ITGA8: variants seen among roughly 807,000 people sequenced by gnomAD.
The protein encoded by ITGA8 is integrin alpha-8.
In ITGA8, 91 loss-of-function variants were observed where a neutral mutation model predicts 142.3. The ratio of observed to expected loss-of-function variants is 0.64; its 90% CI spans 0.54 to 0.76. The LOEUF is 0.76. Among genes scored for constraint, ITGA8 ranks in the 30% least tolerant of loss-of-function variants. ITGA8 has a pLI of 0.00. For synonymous variants in ITGA8, 505 were observed against 485.2 expected (o/e 1.04, Z -0.54); for missense variants, 1,406 against 1,327.7 (o/e 1.06, Z -0.92).
intron 2 of ITGA8, among the ~76,000 whole-genome samples, chr10:15,702,825 A>G (rs1009874116): frequency 1.3e-5 from 2 of 152,148 alleles, no homozygotes; most frequent in Non-Finnish European, 2.9e-5. Flanking sequence ...ATTCTTTGAG[A>G]TTATTGTTTC....
At chr10:15,633,919 G>C (rs1039242361) in intron 13 of ITGA8, among the ~76,000 whole-genome samples, 2 of 152,116 alleles carry the variant, frequency 1.3e-5, no homozygotes, top group African/African-American at 2.4e-5. Flanking sequence ...TATGGCCTTC[G>C]GCAGTTTTCT....
chr10:15,581,093 A>G (rs1834399031), intron 23 of ITGA8, among the ~76,000 whole-genome samples: 1 of 152,224 alleles, frequency 6.6e-6, no homozygotes, highest in African/African-American at 2.4e-5. Flanking sequence ...TTGAATCACA[A>G]TGGATATCCT....
At chr10:15,579,177 A>T (rs1238722406) in intron 23 of ITGA8, among the ~76,000 whole-genome samples, 1 of 152,120 alleles carries the variant, frequency 6.6e-6, no homozygotes, top group African/African-American at 2.4e-5. Context: ...ATTTGCAGGA[A>T]AGAGTTTTAC....
intron 2 of ITGA8, among the ~76,000 whole-genome samples, chr10:15,696,640 C>T (rs149221508): frequency 4.6e-5 from 7 of 152,170 alleles, no homozygotes; most frequent in African/African-American, 1.4e-4. Flanking sequence ...CCATTTGGCA[C>T]CACATATCCT....
rs555569430 is a variant in ITGA8 at position 15,672,605 on chromosome 10, C to G, written c.802+19G>C. The stretch of plus-strand genomic sequence containing the variant: ...TTGTCTTTTGAAAAACCACAAATGT[C>G]TTGGGCAATGGGTCTTACCAAGGTA... On this transcript the variant is annotated intron_variant, in intron 7 of 29. Transcript: ENST00000378076. 1.2e-6 allele frequency: 2 copies of G among 1,601,688 alleles called. No individual in the cohort carries two copies. The highest frequency in any genetic ancestry group is 2.3e-5 in the South Asian group (2 of 88,450).
intron 13 of ITGA8, among the ~76,000 whole-genome samples, chr10:15,621,823 T>C (rs868564510): frequency 6.6e-6 from 1 of 151,968 alleles, no homozygotes; most frequent in African/African-American, 2.4e-5. Context: ...GCTATGATGG[T>C]GCCACTGCAC....
chr10:15,689,874 C>G (rs1564410257), intron 2 of ITGA8, among the ~76,000 whole-genome samples: 1 of 152,120 alleles, frequency 6.6e-6, no homozygotes, highest in Non-Finnish European at 1.5e-5. Context: ...GAGTGTGGGC[C>G]CAGCAGAAAA....
Position 15,718,674 on chromosome 10 carries a change from G to A in ITGA8, c.343+92C>T. On this transcript the variant is annotated intron_variant, in intron 2 of 29. Coordinates refer to ENST00000378076, the MANE Select transcript of ITGA8 (RefSeq NM_003638.3). ...CGGACATATCAGACAAGCTAAACGA[G>A]CAGCACACCAAGACAGCGGGAAGTC... 4.7e-6 allele frequency: 7 copies of A among 1,497,928 alleles called. No individual in the cohort carries two copies. In the South Asian group the frequency reaches 7.2e-5, roughly 15 times the overall value. 92.8% of individuals were successfully genotyped at this position (1,497,928 alleles called of 1,614,324 possible). A position where few individuals can be genotyped will look rare whatever the true frequency, so the allele number is the denominator to read the frequency against.
intron 23 of ITGA8, among the ~76,000 whole-genome samples, chr10:15,585,400 G>GT (rs770021203): frequency 6.6e-6 from 1 of 152,196 alleles, no homozygotes; most frequent in African/African-American, 2.4e-5. Context: ...AGGGAACAGT[G>GT]TATGTTAGAC....
chr10:15,584,301 GA>G (rs1259600577), intron 23 of ITGA8, among the ~76,000 whole-genome samples: 2 of 106,376 alleles, frequency 1.9e-5, no homozygotes, highest in Non-Finnish European at 3.7e-5. Context: ...TCAAGAAAAA[GA>G]AAAGAAAAGA....
intron 16 of ITGA8, 82 bp from the exon 17 acceptor site, chr10:15,607,913 G>T: frequency 1.6e-6 from 2 of 1,234,040 alleles, no homozygotes; most frequent in African/African-American, 1.5e-5. Flanking sequence ...ATTTCAAGTT[G>T]CTTATTCAGG....
Position 15,718,808 on chromosome 10 carries a change from C to G in ITGA8, c.301G>C (p.Glu101Gln). ...ATCTGCCTGCACTGCGCAGACCCCTCCGCGGGCCAAGGACAGTAATAGACG... is the reference window on the plus strand; with the variant it reads ...ATCTGCCTGCACTGCGCAGACCCCTGCGCGGGCCAAGGACAGTAATAGACG... Reference protein sequence around the residue: ...GAVYYCPWPAEGSAQCRQIPF... With the variant: ...GAVYYCPWPAQGSAQCRQIPF... Residue 101 changes from glutamate to glutamine, a missense_variant, in exon 2 of 30, where the codon GAG (glutamate) becomes CAG (glutamine). By Grantham distance (29) the Glu-to-Gln change is conservative (BLOSUM62 2). Transcript: ENST00000378076. The G allele has an allele frequency of 1.2e-6, 2 of 1,614,194 alleles. No individual in the cohort carries two copies. The highest frequency in any genetic ancestry group is 2.2e-5 in the South Asian group (2 of 91,082).
chr10:15,563,005 C>A (rs959204117), intron 25 of ITGA8, among the ~76,000 whole-genome samples: 1 of 152,168 alleles, frequency 6.6e-6, no homozygotes, highest in Non-Finnish European at 1.5e-5. Context: ...AGCTTCCACT[C>A]TGAGTTCATA....
intron 11 of ITGA8, among the ~76,000 whole-genome samples, chr10:15,650,568 C>A (rs1834066866): frequency 6.6e-6 from 1 of 152,160 alleles, no homozygotes; most frequent in African/African-American, 2.4e-5. Flanking sequence ...AGGCCCTCAT[C>A]AGATGCGGCC....
intron 2 of ITGA8, among the ~76,000 whole-genome samples, chr10:15,692,655 C>G (rs1416879132): frequency 6.6e-6 from 1 of 152,210 alleles, no homozygotes; most frequent in South Asian, 2.1e-4. Context: ...CATGTCTACA[C>G]AGCCACAGTA....
chr10:15,658,479 C>G (rs1205686053), intron 10 of ITGA8, among the ~76,000 whole-genome samples: 1 of 152,056 alleles, frequency 6.6e-6, no homozygotes, highest in African/African-American at 2.4e-5. Context: ...CTACATCTCT[C>G]TTGCTTACAG....
chr10:15,718,061 C>T (rs933767051), intron 2 of ITGA8, among the ~76,000 whole-genome samples: 1 of 152,196 alleles, frequency 6.6e-6, no homozygotes, highest in Non-Finnish European at 1.5e-5. Flanking sequence ...AAAATTAAAG[C>T]ATTCGGTGTT....
At chr10:15,556,012 C>A (rs1333132028) in intron 26 of ITGA8, among the ~76,000 whole-genome samples, 6 of 99,006 alleles carry the variant, frequency 6.1e-5, no homozygotes, top group South Asian at 3.7e-4. Context: ...CAGGGTCTCT[C>A]TCTCTCTTTT....
chr10:15,555,098 C>T (rs372737196), intron 26 of ITGA8, among the ~76,000 whole-genome samples: 1 of 152,134 alleles, frequency 6.6e-6, no homozygotes, highest in African/African-American at 2.4e-5. Flanking sequence ...CCCAAAGCAT[C>T]CTTGAACATT....
Sources: allele counts gnomAD v4.1 joint callset (sites outside exome capture counted in the v4.1 genomes callset), GRCh38; gene constraint gnomAD v4.1.1; transcripts MANE v1.5; gene names NCBI Gene and HGNC (gene_info 2026-07-23, HGNC 2026-07-21).